Variants in MTA3 observed in about 807,000 individuals in gnomAD.
The protein encoded by MTA3 is metastasis-associated protein MTA3.
MTA3 carries 34 observed loss-of-function variants against 83.5 expected under a neutral mutation model. That is an observed-to-expected ratio of 0.41 (90% confidence interval 0.31 to 0.54). The LOEUF is 0.54. Among genes scored for constraint, MTA3 ranks in the 20% least tolerant of loss-of-function variants. MTA3 has a pLI of 0.33. For synonymous variants in MTA3, 303 were observed against 252.7 expected (o/e 1.20, Z -1.89); for missense variants, 761 against 726.4 (o/e 1.05, Z -0.55).
At chr2:42,718,210 A>G (rs1667162319) in intron 14 of MTA3, among the ~76,000 whole-genome samples, 1 of 151,090 alleles carries the variant, frequency 6.6e-6, no homozygotes, top group Non-Finnish European at 1.5e-5. Flanking sequence ...AATGTCCTTG[A>G]AGAGTGCTGT....
At chr2:42,574,346 C>T (rs1370152545) in intron 2 of MTA3, among the ~76,000 whole-genome samples, 4 of 149,110 alleles carry the variant, frequency 2.7e-5, no homozygotes, top group Admixed American at 1.3e-4. Context: ...AGGCTGGTCT[C>T]GAACTCCCGA....
intron 16 of MTA3, among the ~76,000 whole-genome samples, chr2:42,725,940 C>T (rs13421678): frequency 0.1 from 15,914 of 152,224 alleles, 1,098 homozygotes; most frequent in Middle Eastern, 0.21. Context: ...TCTTGTGTTA[C>T]GAATGGACCT....
intron 3 of MTA3, among the ~76,000 whole-genome samples, chr2:42,592,041 A>G (rs1415485727): frequency 2.0e-5 from 3 of 151,070 alleles, no homozygotes; most frequent in Admixed American, 1.3e-4. Context: ...AGGCTGGCAG[A>G]TTGCTTGAGC....
chr2:42,649,023 G>A (rs1291207253), intron 6 of MTA3, among the ~76,000 whole-genome samples: 1 of 152,116 alleles, frequency 6.6e-6, no homozygotes, highest in African/African-American at 2.4e-5. Flanking sequence ...GAGCAAATGA[G>A]GTAATTCTTG....
intron 2 of MTA3, among the ~76,000 whole-genome samples, chr2:42,560,229 C>T (rs1418049031): frequency 6.6e-6 from 1 of 151,940 alleles, no homozygotes; most frequent in Non-Finnish European, 1.5e-5. Flanking sequence ...ACCATTTTGG[C>T]CAGGCTGGTC....
chr2:42,537,735 A>C (rs1338579250), intron 2 of MTA3, among the ~76,000 whole-genome samples: 1 of 152,188 alleles, frequency 6.6e-6, no homozygotes, highest in Non-Finnish European at 1.5e-5. Context: ...TATCAGGGAC[A>C]TTATTCAGGA....
intron 6 of MTA3, among the ~76,000 whole-genome samples, chr2:42,649,767 ACT>A (rs1268612834): frequency 6.6e-6 from 1 of 152,040 alleles, no homozygotes; most frequent in African/African-American, 2.4e-5. Context: ...AGATGAAGAG[ACT>A]CTGAAGATAT....
intron 7 of MTA3, among the ~76,000 whole-genome samples, chr2:42,656,851 T>C (rs1689214335): frequency 1.3e-5 from 2 of 152,214 alleles, no homozygotes; most frequent in Admixed American, 6.5e-5. Context: ...CAGCAAGCAA[T>C]TGATGAATGA....
chr2:42,716,011 T>G (rs1238129350), intron 14 of MTA3, among the ~76,000 whole-genome samples: 2 of 152,230 alleles, frequency 1.3e-5, no homozygotes, highest in East Asian at 1.9e-4. Flanking sequence ...GTTAACTCAA[T>G]GGTTTGGCAG....
At chr2:42,639,547 T>C (rs1687515080) in intron 4 of MTA3, among the ~76,000 whole-genome samples, 1 of 152,160 alleles carries the variant, frequency 6.6e-6, no homozygotes, top group African/African-American at 2.4e-5. Context: ...CAAGCTCAGA[T>C]CAAATGTAAG....
intron 4 of MTA3, among the ~76,000 whole-genome samples, chr2:42,630,500 T>A (rs958763263): frequency 6.6e-6 from 1 of 152,226 alleles, no homozygotes; most frequent in African/African-American, 2.4e-5. Flanking sequence ...TATGTTTGTA[T>A]GTCTAAGTAA....
intron 3 of MTA3, among the ~76,000 whole-genome samples, chr2:42,600,171 C>T (rs954397777): frequency 1.3e-5 from 2 of 152,132 alleles, no homozygotes; most frequent in Admixed American, 6.6e-5. Context: ...GCACTCCAGC[C>T]TGGGCAACAG....
chr2:42,526,345 G>A (rs941001904), intron 2 of MTA3, among the ~76,000 whole-genome samples: 6 of 152,134 alleles, frequency 3.9e-5, no homozygotes, highest in Non-Finnish European at 8.8e-5. Context: ...GATTACAGGC[G>A]CATGCCACCG....
intron 2 of MTA3, among the ~76,000 whole-genome samples, chr2:42,527,608 T>C (rs1675775179): frequency 6.6e-6 from 1 of 152,154 alleles, no homozygotes; most frequent in East Asian, 1.9e-4. Context: ...ATCTACAGAA[T>C]ACCTGACCAG....
At position 42,570,553 on chromosome 2, in the gene MTA3, C is replaced by T. The variant is rs371566563; in HGVS notation, c.96+49C>T. 4.3e-6 allele frequency: 5 copies of T among 1,149,582 alleles called. No homozygotes were observed. In the African/African-American group the frequency reaches 6.2e-5, roughly 14 times the overall value. The allele number at this position is 1,149,582 out of a possible 1,614,324, so 71.2% of individuals were successfully genotyped here. ...TTAATATTAAAAATATTTATTTTCCCTTGATGGGTAATTGGGTAAAGGGTG... is the reference window on the plus strand; with the variant it reads ...TTAATATTAAAAATATTTATTTTCCTTTGATGGGTAATTGGGTAAAGGGTG... On this transcript the variant is annotated intron_variant, in intron 2 of 16. Transcript: ENST00000405094.
intron 2 of MTA3, among the ~76,000 whole-genome samples, chr2:42,515,142 T>C (rs912064935): frequency 6.6e-6 from 1 of 152,128 alleles, no homozygotes; most frequent in African/African-American, 2.4e-5. Flanking sequence ...CACTGCCAGC[T>C]CTGCCTCCCG....
At chr2:42,694,368 A>T (rs117557440) in intron 9 of MTA3, among the ~76,000 whole-genome samples, 1 of 152,064 alleles carries the variant, frequency 6.6e-6, no homozygotes, top group Non-Finnish European at 1.5e-5. Flanking sequence ...CTGTCTTCTA[A>T]GTTTACGTAG....
In MTA3 at chr2:42,600,533, C is replaced by G. The variant is rs1682430139; in HGVS notation, c.191-8925C>G. On this transcript the variant is annotated intron_variant, in intron 3 of 16. Coordinates refer to ENST00000405094, the MANE Select transcript of MTA3 (RefSeq NM_001330442.2). ...TTTTTTTTGCATCCCCTTTCCCATT[C>G]AGGCCCATGTTTCTTTGTTTTGTTT... Among the ~76,000 whole-genome samples the G allele has an allele frequency of 4.0e-5, 6 of 149,556 alleles. No homozygotes were observed. In the South Asian group the frequency reaches 1.3e-3, roughly 32 times the overall value.
chr2:42,634,192 A>G (rs1686966649), intron 4 of MTA3, among the ~76,000 whole-genome samples: 1 of 152,190 alleles, frequency 6.6e-6, no homozygotes, highest in Non-Finnish European at 1.5e-5. Flanking sequence ...GCCGAGGTTG[A>G]GAAAACCTGA....
Sources: gnomAD v4.1 joint callset for allele counts (sites outside exome capture counted in the v4.1 genomes callset) on GRCh38, gnomAD v4.1.1 for gene constraint, MANE v1.5 for transcripts, NCBI Gene and HGNC (gene_info 2026-07-23, HGNC 2026-07-21) for gene names.